EPHA6: variants seen among roughly 807,000 people sequenced by gnomAD.
The protein encoded by EPHA6 is ephrin type-A receptor 6.
In EPHA6, 50 loss-of-function variants were observed where a neutral mutation model predicts 112.0. The ratio of observed to expected loss-of-function variants is 0.45; its 90% CI spans 0.36 to 0.56. The LOEUF is 0.56. Ranked by LOEUF, EPHA6 falls within the 20% of genes least tolerant of loss-of-function variation. The pLI is 0.00. For synonymous variants in EPHA6, 529 were observed against 490.7 expected (o/e 1.08, Z -1.03); for missense variants, 1,280 against 1,417.4 (o/e 0.90, Z 1.56).
chr3:96,823,200 A>AT, intron 1 of EPHA6, among the ~76,000 whole-genome samples: 1 of 151,702 alleles, frequency 6.6e-6, no homozygotes, highest in Non-Finnish European at 1.5e-5. Flanking sequence ...TAAATAGAGA[A>AT]TTTAAGTATG....
chr3:97,527,751 C>T (rs909324197), intron 10 of EPHA6, among the ~76,000 whole-genome samples: 3 of 152,052 alleles, frequency 2.0e-5, no homozygotes, highest in African/African-American at 7.2e-5. Flanking sequence ...GGGTACTCGT[C>T]GATACTCAGG....
intron 3 of EPHA6, among the ~76,000 whole-genome samples, chr3:97,001,283 A>G (rs1035049947): frequency 2.5e-4 from 38 of 151,906 alleles, no homozygotes; most frequent in Non-Finnish European, 4.0e-4. Context: ...TGTATTTTAC[A>G]TAAATACATT....
rs537673682 is a variant in EPHA6 at position 97,172,758 on chromosome 3, T to G, written c.1115-53506T>G. Among the ~76,000 whole-genome samples, 7 of 152,100 alleles carry G rather than the reference T, an allele frequency of 4.6e-5. No homozygotes were observed. The South Asian group carries it at 6.2e-4, about 14-fold the overall frequency. ...TAAAACTTAGAGATGTACTTACTGT[T>G]GTATTCTATCAGTATCTCAACTGGC... On this transcript the variant is annotated intron_variant, in intron 3 of 17. Coordinates refer to ENST00000389672, the MANE Select transcript of EPHA6 (RefSeq NM_001080448.3).
intron 3 of EPHA6, among the ~76,000 whole-genome samples, chr3:97,135,998 C>T (rs1559750089): frequency 6.6e-6 from 1 of 152,110 alleles, no homozygotes; most frequent in Non-Finnish European, 1.5e-5. Flanking sequence ...TGGACTTCTA[C>T]TAAGGTATTG....
At chr3:96,969,558 C>A (rs1402939886) in intron 2 of EPHA6, among the ~76,000 whole-genome samples, 1 of 151,928 alleles carries the variant, frequency 6.6e-6, no homozygotes, top group African/African-American at 2.4e-5. Context: ...GTTAAAGCAA[C>A]ATTAGTGGTC....
Position 97,243,980 on chromosome 3 carries a change from T to C in EPHA6, c.1299T>C (p.Val433=), listed in dbSNP as rs1235505835. Residue 433 remains valine, a synonymous_variant, in exon 5 of 18, where the codon GTT becomes GTC. Transcript: ENST00000389672. ...CACCTTCAGCTCCTAGGAATGTGGT[T>C]TTTAACATCAATGAAACAGCCCTTA... is the stretch of plus-strand genomic sequence containing the variant. ...TRPPSAPRNV[V]FNINETALIL... is the part of the protein sequence containing the mutation. 1 of 1,610,980 alleles carries C rather than the reference T, an allele frequency of 6.2e-7. No homozygotes were observed. The highest frequency in any genetic ancestry group is 8.5e-7 in the Non-Finnish European group (1 of 1,178,096).
At chr3:97,457,999 C>T (rs1318695932) in intron 7 of EPHA6, among the ~76,000 whole-genome samples, 4 of 122,682 alleles carry the variant, frequency 3.3e-5, no homozygotes, top group Non-Finnish European at 4.8e-5. Context: ...ACCCGGGAGG[C>T]GGAGCTTGCA....
chr3:96,849,241 A>G (rs559775677), intron 1 of EPHA6, among the ~76,000 whole-genome samples: 67 of 152,282 alleles, frequency 4.4e-4, no homozygotes, highest in Non-Finnish European at 7.4e-4. Flanking sequence ...ATAGCATAAA[A>G]AGTGCCAGTT....
At chr3:97,715,007 T>G (rs2034150288) in intron 14 of EPHA6, among the ~76,000 whole-genome samples, 1 of 152,240 alleles carries the variant, frequency 6.6e-6, no homozygotes, top group African/African-American at 2.4e-5. Flanking sequence ...CAATATATAT[T>G]ATTCATGCTG....
intron 2 of EPHA6, among the ~76,000 whole-genome samples, chr3:96,948,967 G>A (rs1478277514): frequency 1.3e-5 from 2 of 152,114 alleles, no homozygotes; most frequent in Non-Finnish European, 1.5e-5. Context: ...AGGTTATGCC[G>A]TGGAGTCCTG....
chr3:96,937,818 C>T (rs939308358), intron 2 of EPHA6, among the ~76,000 whole-genome samples: 12 of 152,126 alleles, frequency 7.9e-5, no homozygotes, highest in African/African-American at 2.7e-4. Context: ...TTTCAGCTTT[C>T]TACATATGGC....
chr3:97,193,596 A>ATT (rs138796851), intron 3 of EPHA6, among the ~76,000 whole-genome samples: 4 of 149,710 alleles, frequency 2.7e-5, no homozygotes, highest in South Asian at 2.1e-4. Flanking sequence ...GGATAACTTG[A>ATT]TTTTTTTTTT....
intron 3 of EPHA6, among the ~76,000 whole-genome samples, chr3:97,038,885 C>A (rs888605231): frequency 5.3e-5 from 8 of 151,976 alleles, no homozygotes; most frequent in African/African-American, 1.9e-4. Flanking sequence ...CCTGTGTGTT[C>A]AGAGTTTTTT....
At chr3:97,644,424 G>A (rs1263279294) in intron 14 of EPHA6, among the ~76,000 whole-genome samples, 1 of 150,284 alleles carries the variant, frequency 6.7e-6, no homozygotes, top group African/African-American at 2.5e-5. Flanking sequence ...CAGAAGGCAA[G>A]AAATAACTAA....
At chr3:97,682,343 C>T (rs1049905887) in intron 14 of EPHA6, among the ~76,000 whole-genome samples, 2 of 151,996 alleles carry the variant, frequency 1.3e-5, no homozygotes, top group African/African-American at 4.8e-5. Flanking sequence ...TCAAATCACC[C>T]TTGGAAGCTA....
At chr3:96,851,815 T>A (rs2035404321) in intron 1 of EPHA6, among the ~76,000 whole-genome samples, 1 of 152,016 alleles carries the variant, frequency 6.6e-6, no homozygotes, top group Non-Finnish European at 1.5e-5. Context: ...AGTGCTGCGC[T>A]TGAGGGATGG....
At chr3:96,820,016 C>T (rs2033126914) in intron 1 of EPHA6, among the ~76,000 whole-genome samples, 1 of 152,006 alleles carries the variant, frequency 6.6e-6, no homozygotes, top group Non-Finnish European at 1.5e-5. Flanking sequence ...AAACCTCATT[C>T]TCAGGGAAGA....
At chr3:97,691,843 T>A (rs2032690394) in intron 14 of EPHA6, among the ~76,000 whole-genome samples, 1 of 152,364 alleles carries the variant, frequency 6.6e-6, no homozygotes, top group African/African-American at 2.4e-5. Context: ...GAAAATTCTC[T>A]TTCGGCCCCT....
chr3:97,409,575 T>C (rs1055454727), intron 6 of EPHA6, among the ~76,000 whole-genome samples: 1 of 152,058 alleles, frequency 6.6e-6, no homozygotes, highest in Admixed American at 6.6e-5. Flanking sequence ...TTTTCTAGGT[T>C]CCCTGAGGAC....
Sources: gnomAD v4.1 joint callset for allele counts (sites outside exome capture counted in the v4.1 genomes callset) on GRCh38, gnomAD v4.1.1 for gene constraint, MANE v1.5 for transcripts, NCBI Gene and HGNC (gene_info 2026-07-23, HGNC 2026-07-21) for gene names.